The following ATP6V0B variants were observed in gnomAD, a reference collection of about 807,000 sequenced individuals.
The protein encoded by ATP6V0B is ATPase H+ transporting V0 subunit b.
Under a neutral mutation model 26.2 loss-of-function variants are expected in ATP6V0B, and 4 were observed. That is an observed-to-expected ratio of 0.15 (90% CI 0.08 to 0.35). The LOEUF is 0.35. ATP6V0B is among the 10% of genes least tolerant of loss of function. The probability of loss-of-function intolerance (pLI) is 1.00; values close to 1 mark genes in which losing one functional copy is unlikely to be tolerated. For missense variants in ATP6V0B, 175 were observed against 272.5 expected, an observed-to-expected ratio of 0.64 and a Z score of 2.52; for synonymous variants, 110 against 105.8, an observed-to-expected ratio of 1.04 and a Z score of -0.24.
chr1:43,975,391 T>A (rs1202071200), intron 1 of ATP6V0B: 1 of 559,704 alleles, frequency 1.8e-6, no homozygotes, highest in Non-Finnish European at 3.2e-6. Flanking sequence ...TGTCCCCCCT[T>A]TCTTGCTCCT....
At position 43,978,164 on chromosome 1, in the gene ATP6V0B, AG is replaced by A; in HGVS notation, c.*159del. On this transcript the variant is annotated 3_prime_UTR_variant, in exon 8 of 8. Transcript: ENST00000472174. Reference sequence around the variant, plus strand: ...TGTTGATTTGGAGGCACTGCAGTCCAGGCCGAGTCCTCAGTGCGGGGAGCAG... The same window carrying A: ...TGTTGATTTGGAGGCACTGCAGTCCAGCCGAGTCCTCAGTGCGGGGAGCAG... 1 of 1,089,146 alleles carries A rather than the reference AG, an allele frequency of 9.2e-7. No individual in the cohort carries two copies. The highest frequency in any genetic ancestry group is 1.8e-5 in the Admixed American group (1 of 55,924). 67.5% of individuals were successfully genotyped at this position (1,089,146 alleles called of 1,614,324 possible).
At chr1:43,977,804 A>G in intron 7 of ATP6V0B, 177 bp from the exon 8 acceptor site, 1 of 1,554,352 alleles carries the variant, frequency 6.4e-7, no homozygotes. Flanking sequence ...CCACAGCGTA[A>G]CTCTGTGGTT....
Position 43,975,427 on chromosome 1 carries a change from G to T in ATP6V0B, c.67+320G>T, listed in dbSNP as rs574457466. ...GACCGGCCCGCTCGGTCACAAGCCG[G>T]CTGCTCCGGTTCCTCTTTTCCCAGT... On this transcript the variant is annotated intron_variant, in intron 1 of 7. Coordinates refer to ENST00000472174, the MANE Select transcript of ATP6V0B (RefSeq NM_004047.5). The T allele has an allele frequency of 1.2e-4, 68 of 547,874 alleles. No individual in the cohort carries two copies. The Admixed American group carries it at 2.2e-3, about 18-fold the overall frequency. 33.9% of individuals were successfully genotyped at this position (547,874 alleles called of 1,614,324 possible).
chr1:43,975,869 G>A, intron 2 of ATP6V0B, 21 bp downstream of exon 2: 1 of 1,578,204 alleles, frequency 6.3e-7, no homozygotes, highest in Non-Finnish European at 8.6e-7. Context: ...GCAGGGGGAG[G>A]ATTCCCCTTG....
Position 43,976,544 on chromosome 1 carries a change from T to C in ATP6V0B, c.279-46T>C, listed in dbSNP as rs773042993. ...GCAGGAAGGACGGTTTCTTTCTCAT[T>C]TCTTTCTCCTTTCCACTCCTTACCC... On this transcript the variant is annotated intron_variant, in intron 4 of 7. Coordinates refer to ENST00000472174, the MANE Select transcript of ATP6V0B (RefSeq NM_004047.5). This position sits in a 1 kb window ranked among gnomAD's most constrained non-coding sequence, Gnocchi z 4.6. 5.6e-6 allele frequency: 9 copies of C among 1,604,954 alleles called. No individual in the cohort carries two copies. In the Admixed American group the frequency reaches 1.5e-4, roughly 27 times the overall value.
In ATP6V0B at chr1:43,978,063, G is replaced by C. The variant is rs1316261500; in HGVS notation, c.*56G>C. 1.9e-6 allele frequency: 3 copies of C among 1,612,574 alleles called. No homozygotes were observed. Among genetic ancestry groups the C allele is most frequent in the Admixed American group, 3.3e-5 (2 of 60,020 alleles). ...TTTTATTTATTGCTGGTTTTCCTGG[G>C]ACAGCTGGAGCTGTGTCCCTTAGCC... On this transcript the variant is annotated 3_prime_UTR_variant, in exon 8 of 8. Transcript: ENST00000472174.
At chr1:43,977,290 A>G in intron 7 of ATP6V0B, 74 bp downstream of exon 7, 1 of 1,613,436 alleles carries the variant, frequency 6.2e-7, no homozygotes. Flanking sequence ...GAGAAGCTGA[A>G]GTGCTCTCCT....
At chr1:43,975,150 G>C in intron 1 of ATP6V0B, 43 bp downstream of exon 1, 1 of 1,408,038 alleles carries the variant, frequency 7.1e-7, no homozygotes, top group South Asian at 1.5e-5. Flanking sequence ...TCGCGGCCGA[G>C]CTGGCCGGGT....
At position 43,974,964 on chromosome 1, in the gene ATP6V0B, T is replaced by C; in HGVS notation, c.-77T>C. On this transcript the variant is annotated 5_prime_UTR_variant, in exon 1 of 8. Transcript: ENST00000472174. ...GACGCTGCGGGGCGGGCGGACAGAC[T>C]GCGGGACGGACGGTGGACGCTGGGA... 8.8e-7 allele frequency: 1 copy of C among 1,142,186 alleles called. No homozygotes were observed. Among genetic ancestry groups the C allele is most frequent in the Non-Finnish European group, 1.1e-6 (1 of 895,174 alleles). The allele number at this position is 1,142,186 out of a possible 1,614,324, so 70.8% of individuals were successfully genotyped here.
chr1:43,976,634 C>T lies in ATP6V0B; in HGVS notation c.323C>T (p.Ala108Val). 6.2e-7 allele frequency: 1 copy of T among 1,614,212 alleles called. No individual in the cohort carries two copies. The highest frequency in any genetic ancestry group is 8.5e-7 in the Non-Finnish European group (1 of 1,180,046). Reference protein sequence around the residue: ...EAVAIYGIIMAIVISNMAEPF... With the variant: ...EAVAIYGIIMVIVISNMAEPF... ...GTGGCCATCTACGGCATCATCATGG[C>T]AATTGTCATTAGCAACATGGCTGAG... The change falls in exon 5 of 8, where the codon GCA (alanine) becomes GTA (valine). Residue 108 changes from alanine (A) to valine (V), a missense_variant. Transcript: ENST00000472174. This position sits in a 1 kb window ranked among gnomAD's most constrained non-coding sequence, Gnocchi z 4.6.
Position 43,978,014 on chromosome 1 carries a change from T to C in ATP6V0B, c.*7T>C, listed in dbSNP as rs756866050. The C allele has an allele frequency of 6.2e-7, 1 of 1,614,222 alleles. No homozygotes were observed. The highest frequency in any genetic ancestry group is 1.3e-5 in the African/African-American group (1 of 75,050). On this transcript the variant is annotated 3_prime_UTR_variant, in exon 8 of 8. Transcript: ENST00000472174. ...AGTGAAGATGGGTGACTAGATGATATGTGTGGGTGGGGCCGTGCCTCACTT... is the reference window on the plus strand; with the variant it reads ...AGTGAAGATGGGTGACTAGATGATACGTGTGGGTGGGGCCGTGCCTCACTT...
Position 43,976,758 on chromosome 1 carries a change from T to C in ATP6V0B, c.349-15T>C. On this transcript the variant is annotated splice_polypyrimidine_tract_variant and intron_variant, in intron 5 of 7. Coordinates refer to ENST00000472174, the MANE Select transcript of ATP6V0B (RefSeq NM_004047.5). The surrounding 1 kb of genome is among the most constrained non-coding windows in gnomAD (Gnocchi z 4.6). ...GCATCAGGATGGTTTCTGATTACTT[T>C]TCTTCTTCCCTCAGCCTTTCAGTGC... The C allele has an allele frequency of 6.2e-7, 1 of 1,614,146 alleles. No homozygotes were observed. Among genetic ancestry groups the C allele is most frequent in the South Asian group, 1.1e-5 (1 of 91,040 alleles).
chr1:43,977,801 G>A (rs190544489), intron 7 of ATP6V0B, 180 bp from the exon 8 acceptor site: 232 of 1,548,102 alleles, frequency 1.5e-4, no homozygotes, highest in Non-Finnish European at 1.7e-4. Flanking sequence ...GTCCCACAGC[G>A]TAACTCTGTG....
chr1:43,975,158 G>A, intron 1 of ATP6V0B, 51 bp downstream of exon 1: 2 of 1,404,958 alleles, frequency 1.4e-6, no homozygotes, highest in Non-Finnish European at 1.8e-6. Flanking sequence ...GAGCTGGCCG[G>A]GTCGGAACTC....
chr1:43,977,509 T>C, intron 7 of ATP6V0B: 2 of 1,430,592 alleles, frequency 1.4e-6, no homozygotes, highest in South Asian at 3.1e-5. Context: ...TGCCATGCTT[T>C]TCATGTCTCC....
intron 1 of ATP6V0B, 113 bp from the exon 2 acceptor site, chr1:43,975,687 C>A: frequency 8.3e-7 from 1 of 1,207,522 alleles, no homozygotes; most frequent in South Asian, 1.2e-5. Context: ...CTGGGGGCAG[C>A]CTGAGGACGC....
chr1:43,977,273 CCTT>C (rs1305992138), intron 7 of ATP6V0B, 57 bp downstream of exon 7: 9 of 1,613,970 alleles, frequency 5.6e-6, no homozygotes, highest in Non-Finnish European at 7.6e-6. Context: ...GCCTTACCCT[CCTT>C]CTGGAGAAGC....
In ATP6V0B at chr1:43,977,862, G is replaced by A. The variant is rs182319176; in HGVS notation, c.592-119G>A. 1.1e-3 allele frequency: 1,825 copies of A among 1,609,246 alleles called. 17 individuals carry two copies. Among genetic ancestry groups the A allele is most frequent in the Non-Finnish European group, 5.2e-4 (618 of 1,177,254 alleles). ...TGTCACAGTGTGTCCATCCTGGTTA[G>A]TCATATATCTCTTGTGGTCTGTCCA... On this transcript the variant is annotated intron_variant, in intron 7 of 7. Transcript: ENST00000472174.
At chr1:43,975,262 C>A in intron 1 of ATP6V0B, 155 bp downstream of exon 1, 14 of 924,682 alleles carry the variant, frequency 1.5e-5, no homozygotes, top group Non-Finnish European at 2.1e-5. Flanking sequence ...CTGACTCCGA[C>A]AAAGGAGACC....
Sources: gnomAD v4.1 joint callset for allele counts on GRCh38, gnomAD v4.1.1 for gene constraint, Gnocchi (gnomAD v3.1) non-coding constraint, MANE v1.5 for transcripts, NCBI Gene and HGNC (gene_info 2026-07-23, HGNC 2026-07-21) for gene names.